Variants in EYA3 observed in about 807,000 individuals in gnomAD.
EYA3 encodes protein phosphatase EYA3.
In EYA3, 39 loss-of-function variants were observed where a neutral mutation model predicts 80.0. The ratio of observed to expected loss-of-function variants is 0.49; its 90% CI spans 0.38 to 0.64. The LOEUF (loss-of-function observed/expected upper bound fraction) is 0.64, where lower values mean the gene tolerates loss of function less well. Ranked by LOEUF, EYA3 falls within the 30% of genes least tolerant of loss-of-function variation. EYA3 has a pLI of 0.00. For missense variants in EYA3, 523 were observed against 676.1 expected, an observed-to-expected ratio of 0.77 and a Z score of 2.51; for synonymous variants, 206 against 232.8, an observed-to-expected ratio of 0.88 and a Z score of 1.05.
intron 1 of EYA3, among the ~76,000 whole-genome samples, chr1:28,080,085 G>A (rs1048632028): frequency 7.9e-5 from 12 of 152,100 alleles, no homozygotes; most frequent in South Asian, 2.1e-4. Context: ...ATGTATTCCC[G>A]TAGTAACGGC....
intron 1 of EYA3, among the ~76,000 whole-genome samples, chr1:28,067,234 A>G (rs530065714): frequency 9.2e-5 from 14 of 152,348 alleles, no homozygotes; most frequent in Admixed American, 5.9e-4. Flanking sequence ...TAAAAATAGT[A>G]TAAGTTTGTT....
At chr1:28,082,264 T>C (rs1204134315) in intron 1 of EYA3, among the ~76,000 whole-genome samples, 1 of 152,138 alleles carries the variant, frequency 6.6e-6, no homozygotes, top group Non-Finnish European at 1.5e-5. Flanking sequence ...GTTTTCAAAA[T>C]ATTCAGAAAA....
At chr1:27,998,028 C>G (rs1026189009) in intron 12 of EYA3, among the ~76,000 whole-genome samples, 1 of 152,136 alleles carries the variant, frequency 6.6e-6, no homozygotes, top group Non-Finnish European at 1.5e-5. Context: ...GCTTCTAATC[C>G]AAGGTTCTTT....
At chr1:28,044,572 T>C (rs772788783) in intron 3 of EYA3, among the ~76,000 whole-genome samples, 1 of 152,226 alleles carries the variant, frequency 6.6e-6, no homozygotes, top group Non-Finnish European at 1.5e-5. Flanking sequence ...CCAGAGGTTC[T>C]ATATATCTGG....
chr1:28,013,097 G>A lies in EYA3; in HGVS notation c.769+14C>T. On this transcript the variant is annotated intron_variant, in intron 9 of 17. Coordinates refer to ENST00000373871, the MANE Select transcript of EYA3 (RefSeq NM_001990.4). The surrounding 1 kb of genome is among the most constrained non-coding windows in gnomAD (Gnocchi z 4.0). ...GTGACCTTAAGCCAAAGTTTTCAGA[G>A]CTGCGGTGCTTACCAGAGGAAAGTC... is the stretch of plus-strand genomic sequence containing the variant. 6.2e-7 allele frequency: 1 copy of A among 1,604,324 alleles called. No individual in the cohort carries two copies. The highest frequency in any genetic ancestry group is 8.5e-7 in the Non-Finnish European group (1 of 1,176,712).
chr1:27,977,509 T>A, intron 17 of EYA3: 2 of 1,008,810 alleles, frequency 2.0e-6, no homozygotes, highest in Non-Finnish European at 2.9e-6. Context: ...GATGGGATTT[T>A]AAGTTCTATA....
At chr1:28,006,104 C>CA (rs879642993) in intron 10 of EYA3, among the ~76,000 whole-genome samples, 76 of 116,898 alleles carry the variant, frequency 6.5e-4, no homozygotes, top group South Asian at 1.9e-3. Flanking sequence ...GGTTCTGTCT[C>CA]AAAAAAAAAA....
At position 28,017,159 on chromosome 1, in the gene EYA3, T is replaced by C. The variant is rs1269441359; in HGVS notation, c.580A>G (p.Asn194Asp). 3.1e-6 allele frequency: 5 copies of C among 1,612,478 alleles called. No homozygotes were observed. The highest frequency in any genetic ancestry group is 1.1e-5 in the South Asian group (1 of 91,048). ...GAACAAAGGTAGCATCATACCTGGT[T>C]TGAGATGCTGGCTACTGCTGCTGCT... ...IPAAAVASISNQDYPTYTILG... is the reference protein window; with the variant it reads ...IPAAAVASISDQDYPTYTILG... Residue 194 changes from asparagine to aspartate, a missense_variant, in exon 8 of 18, where the codon AAC becomes GAC. Coordinates refer to ENST00000373871, the MANE Select transcript of EYA3 (RefSeq NM_001990.4).
In EYA3 at chr1:28,061,195, T is replaced by C. The variant is rs142663887; in HGVS notation, c.-68-3101A>G. Among the ~76,000 whole-genome samples, 960 of 152,308 alleles carry C rather than the reference T, an allele frequency of 6.3e-3. 9 individuals carry two copies. Among genetic ancestry groups the C allele is most frequent in the African/African-American group, 0.021 (886 of 41,568 alleles). On this transcript the variant is annotated intron_variant, in intron 1 of 17. Coordinates refer to ENST00000373871, the MANE Select transcript of EYA3 (RefSeq NM_001990.4). ...TGTGTGGGAAGTTTGCAAACATACA[T>C]TCTGGTACATTCTGTATAAAATGCA...
intron 1 of EYA3, among the ~76,000 whole-genome samples, chr1:28,084,595 A>ATAT (rs1553159924): frequency 3.9e-4 from 6 of 15,222 alleles, no homozygotes; most frequent in Admixed American, 1.3e-3. Context: ...ATATATATAT[A>ATAT]TTTTTTTTTT....
chr1:28,046,061 A>G (rs1278373827), intron 3 of EYA3, among the ~76,000 whole-genome samples: 4 of 152,220 alleles, frequency 2.6e-5, no homozygotes, highest in African/African-American at 9.6e-5. Context: ...ACAATCATGC[A>G]GACAGAAAGT....
intron 7 of EYA3, among the ~76,000 whole-genome samples, chr1:28,025,237 A>C: frequency 6.6e-6 from 1 of 152,226 alleles, no homozygotes. Flanking sequence ...AAAATTGATA[A>C]CTTAATGGTT....
At chr1:28,023,084 G>C (rs1375336810) in intron 7 of EYA3, among the ~76,000 whole-genome samples, 1 of 848 alleles carries the variant, frequency 1.2e-3, no homozygotes, top group African/African-American at 1.2e-3. Context: ...GTGCTGGGTG[G>C]GGGGGGGGGG....
At position 28,006,038 on chromosome 1, in the gene EYA3, G is replaced by C. The variant is rs545977313; in HGVS notation, c.910-1619C>G. 3.3e-5 allele frequency among the ~76,000 whole-genome samples: 5 copies of C among 151,754 alleles called. No homozygotes were observed. In the South Asian group the frequency reaches 1.0e-3, roughly 32 times the overall value. On this transcript the variant is annotated intron_variant, in intron 10 of 17. Coordinates refer to ENST00000373871, the MANE Select transcript of EYA3 (RefSeq NM_001990.4). ...GAGAATCACTTGAACCCAGGAGGCA[G>C]AGGTTGCAGTGAGCTGAGATTGTGC...
chr1:28,046,881 C>T (rs950714682), intron 3 of EYA3, among the ~76,000 whole-genome samples: 2 of 150,764 alleles, frequency 1.3e-5, no homozygotes, highest in African/African-American at 4.9e-5. Flanking sequence ...TCTTGCTCTG[C>T]CACCAACCCA....
intron 7 of EYA3, among the ~76,000 whole-genome samples, chr1:28,021,573 T>C (rs1642437399): frequency 6.6e-6 from 1 of 152,062 alleles, no homozygotes; most frequent in African/African-American, 2.4e-5. Flanking sequence ...TACATCTATC[T>C]TGTGTGCACT....
rs145402396 is a variant in EYA3 at position 28,018,179 on chromosome 1, G to A, written c.500-940C>T. Among the ~76,000 whole-genome samples, 1,037 of 151,240 alleles carry A rather than the reference G, an allele frequency of 6.9e-3. 15 individuals are homozygous for A. Among genetic ancestry groups the A allele is most frequent in the African/African-American group, 0.024 (974 of 41,166 alleles). On this transcript the variant is annotated intron_variant, in intron 7 of 17. Transcript: ENST00000373871. ...TGACTGCACTACAGCCTGGGTGACAGAGCAAGACTCTGTCTCAAAAAAAAA... is the reference window on the plus strand; with the variant it reads ...TGACTGCACTACAGCCTGGGTGACAAAGCAAGACTCTGTCTCAAAAAAAAA...
At chr1:27,980,307 C>A (rs1365096444) in intron 16 of EYA3, among the ~76,000 whole-genome samples, 1 of 152,194 alleles carries the variant, frequency 6.6e-6, no homozygotes, top group East Asian at 1.9e-4. Flanking sequence ...TACAGCTTTA[C>A]AAACTAAGCC....
chr1:28,020,278 T>G (rs1344057376), intron 7 of EYA3, among the ~76,000 whole-genome samples: 1 of 152,162 alleles, frequency 6.6e-6, no homozygotes, highest in South Asian at 2.1e-4. Flanking sequence ...CTCTGAGCAA[T>G]AGTTGGCTTT....
Sources: gnomAD v4.1 joint callset for allele counts (sites outside exome capture counted in the v4.1 genomes callset) on GRCh38, gnomAD v4.1.1 for gene constraint, Gnocchi (gnomAD v3.1) non-coding constraint, MANE v1.5 for transcripts, NCBI Gene and HGNC (gene_info 2026-07-23, HGNC 2026-07-21) for gene names.